Variants in ALMS1 observed in about 807,000 individuals in gnomAD.
ALMS1 encodes the protein ALMS1 centrosome and basal body associated protein.
ALMS1 carries 271 observed loss-of-function variants against 352.2 expected under a neutral mutation model. That is an observed-to-expected ratio of 0.77 (90% CI 0.70 to 0.85). ALMS1 has a LOEUF of 0.85. ALMS1 is among the 40% of genes least tolerant of loss of function. The pLI, the probability that ALMS1 is intolerant of heterozygous loss-of-function variation, is 0.00. For synonymous variants in ALMS1, 1,865 were observed against 1,761.2 expected (o/e 1.06, Z -1.48); for missense variants, 5,445 against 4,870.7 (o/e 1.12, Z -3.51).
intron 15 of ALMS1, among the ~76,000 whole-genome samples, chr2:73,560,506 A>AG (rs1270762730): frequency 6.6e-6 from 1 of 152,234 alleles, no homozygotes; most frequent in Admixed American, 6.5e-5. Context: ...ATAATAAAAA[A>AG]GAATTAGTAT....
chr2:73,554,319 T>C (rs946655050), intron 13 of ALMS1, among the ~76,000 whole-genome samples: 3 of 151,954 alleles, frequency 2.0e-5, no homozygotes, highest in Non-Finnish European at 4.4e-5. Context: ...AATTGTGAGC[T>C]TATATGTATA....
At chr2:73,477,964 C>A (rs918036590) in intron 9 of ALMS1, among the ~76,000 whole-genome samples, 27 of 151,980 alleles carry the variant, frequency 1.8e-4, no homozygotes, top group Non-Finnish European at 2.9e-4. Flanking sequence ...AATTTCTAAC[C>A]TGGTTGCCCT....
chr2:73,397,571 G>A (rs1426475470), intron 1 of ALMS1, among the ~76,000 whole-genome samples: 1 of 152,018 alleles, frequency 6.6e-6, no homozygotes, highest in Admixed American at 6.6e-5. Context: ...GGATTCAAGT[G>A]ATTCTCCTGC....
rs747205835 is a variant in ALMS1 at position 73,601,454 on chromosome 2, TA to T, written c.12114+20del. On this transcript the variant is annotated intron_variant, in intron 19 of 22. Coordinates refer to ENST00000613296, the MANE Select transcript of ALMS1 (RefSeq NM_001378454.1). ...CCCTTCAGGTGCAGTGACGTTGACT[TA>T]ACTTTAATGCTACGTGTAGGGAGAA... 1 of 1,613,318 alleles carries T rather than the reference TA, an allele frequency of 6.2e-7. No individual in the cohort carries two copies. The highest frequency in any genetic ancestry group is 2.2e-5 in the East Asian group (1 of 44,824).
Position 73,415,045 on chromosome 2 carries a change from A to G in ALMS1, c.451-4078A>G, listed in dbSNP as rs554809594. The stretch of plus-strand genomic sequence containing the variant: ...GTTCGCGGTCTCATCCAGATCCAGG[A>G]CTTTAAATACATCTGTATACTGATA... On this transcript the variant is annotated intron_variant, in intron 2 of 22. Coordinates refer to ENST00000613296, the MANE Select transcript of ALMS1 (RefSeq NM_001378454.1). 4.4e-4 allele frequency among the ~76,000 whole-genome samples: 67 copies of G among 152,216 alleles called. 1 individual carries two copies. Among genetic ancestry groups the G allele is most frequent in the East Asian group, 2.1e-3 (11 of 5,168 alleles).
intron 16 of ALMS1, among the ~76,000 whole-genome samples, chr2:73,592,307 T>C (rs895558907): frequency 1.1e-4 from 17 of 152,242 alleles, no homozygotes; most frequent in African/African-American, 4.1e-4. Flanking sequence ...TTTCTGCTTC[T>C]GCAACCTTTT....
At chr2:73,500,571 A>G (rs1673198453) in intron 10 of ALMS1, among the ~76,000 whole-genome samples, 1 of 152,114 alleles carries the variant, frequency 6.6e-6, no homozygotes, top group Non-Finnish European at 1.5e-5. Flanking sequence ...CTGGGATGCT[A>G]TGACTAATAT....
At chr2:73,481,552 C>T (rs1380825981) in intron 9 of ALMS1, among the ~76,000 whole-genome samples, 4 of 152,004 alleles carry the variant, frequency 2.6e-5, no homozygotes, top group East Asian at 1.9e-4. Flanking sequence ...ATTGACTTGG[C>T]GATGCAGGCT....
In ALMS1 at chr2:73,601,360, G is replaced by A. The variant is rs775453122; in HGVS notation, c.12038G>A (p.Gly4013Asp). The A allele has an allele frequency of 3.1e-6, 5 of 1,614,166 alleles. No homozygotes were observed. In the South Asian group the frequency reaches 5.5e-5, roughly 18 times the overall value. The change falls in exon 19 of 23, where the codon GGT becomes GAT. Residue 4013 changes from glycine (G) to aspartate (D), a missense_variant. Transcript: ENST00000613296. ...AACTGTCAGGGGCAGCACCTGGACG[G>A]TCGGGGCTACCTGGCAGGCCCAGGC... ...EQNCQGQHLD[G>D]RGYLAGPGRE...
intron 9 of ALMS1, chr2:73,456,742 CAAAAT>C (rs1672074645): frequency 6.6e-6 from 1 of 152,030 alleles, no homozygotes; most frequent in African/African-American, 2.4e-5. Context: ...ACAAAATTGA[CAAAAT>C]AATAAGAATA....
At chr2:73,446,113 C>G (rs899041645) in intron 7 of ALMS1, among the ~76,000 whole-genome samples, 1 of 152,110 alleles carries the variant, frequency 6.6e-6, no homozygotes, top group Non-Finnish European at 1.5e-5. Flanking sequence ...TGCATCTCCT[C>G]CCTCGCTTTT....
rs397972016 is a variant in ALMS1, at chr2:73,391,294, CTTTTTTT to C, written c.324+5113_324+5119del. ...TTAACCTATTCATATACGTTTTATT[CTTTTTTT>C]TTTTTTTTTTGAGACGGAGTCTCGC... On this transcript the variant is annotated intron_variant, in intron 1 of 22. Coordinates refer to ENST00000613296, the MANE Select transcript of ALMS1 (RefSeq NM_001378454.1). 2.6e-5 allele frequency among the ~76,000 whole-genome samples: 3 copies of C among 114,928 alleles called. 1 individual carries two copies. Among genetic ancestry groups the C allele is most frequent in the African/African-American group, 1.2e-4 (3 of 24,454 alleles). 75.4% of individuals were successfully genotyped at this position (114,928 alleles called of 152,430 possible).
Position 73,437,429 on chromosome 2 carries a change from A to T in ALMS1, c.1432+5138A>T, listed in dbSNP as rs575896448. On this transcript the variant is annotated intron_variant, in intron 7 of 22. Transcript: ENST00000613296. ...TAGAGCTTGGTATTCTCAGGTTGGG[A>T]TAAATCTTCCACTCTATAAGTGGGG... Among the ~76,000 whole-genome samples, 9 of 152,286 alleles carry T rather than the reference A, an allele frequency of 5.9e-5. No individual in the cohort carries two copies. The East Asian group carries it at 1.7e-3, about 29-fold the overall frequency.
At chr2:73,537,699 G>A (rs936022895) in intron 12 of ALMS1, among the ~76,000 whole-genome samples, 1 of 152,128 alleles carries the variant, frequency 6.6e-6, no homozygotes, top group African/African-American at 2.4e-5. Context: ...TTCCAGAGTT[G>A]GCGCATTGTA....
intron 16 of ALMS1, among the ~76,000 whole-genome samples, chr2:73,593,175 A>G (rs2104168376): frequency 6.6e-6 from 1 of 150,864 alleles, no homozygotes; most frequent in Admixed American, 6.6e-5. Flanking sequence ...CTGACCGCAT[A>G]TATAAATGGA....
intron 10 of ALMS1, among the ~76,000 whole-genome samples, chr2:73,507,508 T>A (rs550639628): frequency 6.6e-6 from 1 of 152,190 alleles, no homozygotes; most frequent in South Asian, 2.1e-4. Context: ...CTTGGGAGGG[T>A]GTATGTGTCG....
chr2:73,536,087 A>G (rs1674022101), intron 12 of ALMS1, among the ~76,000 whole-genome samples: 1 of 152,240 alleles, frequency 6.6e-6, no homozygotes. Flanking sequence ...ATAGCCATAA[A>G]TGAAGAAATG....
chr2:73,582,945 A>C (rs1558703752), intron 16 of ALMS1, among the ~76,000 whole-genome samples: 2 of 152,084 alleles, frequency 1.3e-5, no homozygotes, highest in Non-Finnish European at 2.9e-5. Context: ...CTTTTTGAGG[A>C]GCCTCAACAC....
At chr2:73,417,559 CAT>C (rs1671202098) in intron 2 of ALMS1, among the ~76,000 whole-genome samples, 1 of 151,898 alleles carries the variant, frequency 6.6e-6, no homozygotes, top group Admixed American at 6.6e-5. Flanking sequence ...GAAATGTGAA[CAT>C]GTTTCAATAT....
Sources: allele counts gnomAD v4.1 joint callset (sites outside exome capture counted in the v4.1 genomes callset), GRCh38; gene constraint gnomAD v4.1.1; transcripts MANE v1.5; gene names NCBI Gene and HGNC (gene_info 2026-07-23, HGNC 2026-07-21).